ESYT2: variants seen among roughly 807,000 people sequenced by gnomAD.
ESYT2 encodes extended synaptotagmin-2.
In ESYT2, 54 loss-of-function variants were observed where a neutral mutation model predicts 107.2. That is an observed-to-expected ratio of 0.50 (90% CI 0.40 to 0.63). The LOEUF is 0.63. Among genes scored for constraint, ESYT2 ranks in the 30% least tolerant of loss-of-function variants. The pLI is 0.00. For missense variants in ESYT2, 1,020 were observed against 1,094.5 expected (o/e 0.93, Z 0.96); for synonymous variants, 491 against 434.1 (o/e 1.13, Z -1.63).
At chr7:158,801,070 C>T (rs1046853119) in intron 1 of ESYT2, among the ~76,000 whole-genome samples, 3 of 152,066 alleles carry the variant, frequency 2.0e-5, no homozygotes, top group South Asian at 4.2e-4. Flanking sequence ...GCACCCATGC[C>T]TGCAGTGAGG....
Position 158,749,051 on chromosome 7 carries a change from A to C in ESYT2, c.1557+598T>G, listed in dbSNP as rs118168246. ...CAAGACAAACTTAGGAATTGTTCCC[A>C]TGTGTCTACTCATAAAATCAAGCAA... On this transcript the variant is annotated intron_variant, in intron 15 of 22. Transcript: ENST00000275418. Among the ~76,000 whole-genome samples the C allele has an allele frequency of 8.4e-3, 1,278 of 152,244 alleles. 17 individuals are homozygous for C. The highest frequency in any genetic ancestry group is 0.029 in the South Asian group (138 of 4,826).
At chr7:158,759,840 G>T (rs1046082539) in intron 12 of ESYT2, among the ~76,000 whole-genome samples, 1 of 152,166 alleles carries the variant, frequency 6.6e-6, no homozygotes, top group East Asian at 1.9e-4. Context: ...CAAAACTGAA[G>T]ATCTGATAAA....
chr7:158,796,134 T>C (rs909673255), intron 3 of ESYT2, among the ~76,000 whole-genome samples: 3 of 152,212 alleles, frequency 2.0e-5, no homozygotes, highest in Non-Finnish European at 2.9e-5. Flanking sequence ...GGATGTCTGT[T>C]TGCTGACTCT....
intron 16 of ESYT2, among the ~76,000 whole-genome samples, chr7:158,747,128 CT>C (rs1837430759): frequency 1.3e-5 from 2 of 152,008 alleles, no homozygotes; most frequent in Non-Finnish European, 1.5e-5. Flanking sequence ...GGCGGATCAG[CT>C]GAGGTCAGGA....
intron 16 of ESYT2, among the ~76,000 whole-genome samples, chr7:158,747,203 C>T (rs145697482): frequency 3.1e-3 from 471 of 151,880 alleles, no homozygotes; most frequent in African/African-American, 0.011. Context: ...AAGAAATCAG[C>T]CAGGTGTGGT....
chr7:158,805,211 T>C (rs1584873065), intron 1 of ESYT2, among the ~76,000 whole-genome samples: 1 of 152,216 alleles, frequency 6.6e-6, no homozygotes, highest in Non-Finnish European at 1.5e-5. Flanking sequence ...TAATCAAATG[T>C]CTTTACTCAT....
chr7:158,741,506 T>C lies in ESYT2; in HGVS notation c.2168+17A>G, dbSNP rs374236194. The C allele has an allele frequency of 1.3e-6, 2 of 1,552,164 alleles. No homozygotes were observed. The highest frequency in any genetic ancestry group is 1.4e-5 in the African/African-American group (1 of 73,274). ...CTTGCTCTGCTGGTGAGAAACAACA[T>C]GGTGGCACTTAGTTACTTTTCCAGC... On this transcript the variant is annotated intron_variant, in intron 18 of 22. Transcript: ENST00000275418.
intron 1 of ESYT2, among the ~76,000 whole-genome samples, chr7:158,814,030 T>C (rs1313476936): frequency 6.6e-6 from 1 of 151,812 alleles, no homozygotes; most frequent in Non-Finnish European, 1.5e-5. Flanking sequence ...TCCCAGCACT[T>C]TGGGAGGCCG....
chr7:158,787,920 G>C, intron 6 of ESYT2, 84 bp downstream of exon 6: 2 of 1,101,784 alleles, frequency 1.8e-6, no homozygotes, highest in Non-Finnish European at 2.7e-6. Flanking sequence ...ATAAAATTTT[G>C]TTTCTCCACT....
chr7:158,823,789 A>C (rs1349292810), intron 1 of ESYT2, among the ~76,000 whole-genome samples: 2 of 152,226 alleles, frequency 1.3e-5, no homozygotes, highest in Non-Finnish European at 2.9e-5. Context: ...TACAGAAACG[A>C]TCATAGGTTC....
chr7:158,812,082 G>GGCAGCCACAGCTTCCCCCTGCCAC (rs1840008154), intron 1 of ESYT2, among the ~76,000 whole-genome samples: 1 of 152,172 alleles, frequency 6.6e-6, no homozygotes, highest in African/African-American at 2.4e-5. Context: ...GAGTATCAGA[G>GGCAGCCACAGCTTCCCCCTGCCAC]GCAGCCACAG....
intron 1 of ESYT2, among the ~76,000 whole-genome samples, chr7:158,812,573 C>T (rs1840019505): frequency 6.6e-6 from 1 of 152,120 alleles, no homozygotes; most frequent in Non-Finnish European, 1.5e-5. Flanking sequence ...TAAACATAGA[C>T]CCAACAATTC....
intron 8 of ESYT2, among the ~76,000 whole-genome samples, chr7:158,766,995 G>A (rs1004992664): frequency 1.3e-5 from 2 of 152,178 alleles, no homozygotes; most frequent in African/African-American, 4.8e-5. Flanking sequence ...TCAAATGAAG[G>A]TGACATCAGT....
At chr7:158,735,852 C>G (rs1307604648) in intron 20 of ESYT2, among the ~76,000 whole-genome samples, 1 of 152,078 alleles carries the variant, frequency 6.6e-6, no homozygotes, top group South Asian at 2.1e-4. Flanking sequence ...TCCCAAGGTC[C>G]CTGGCTCACT....
At chr7:158,738,412 T>G (rs907276206) in intron 19 of ESYT2, among the ~76,000 whole-genome samples, 1 of 151,624 alleles carries the variant, frequency 6.6e-6, no homozygotes, top group Non-Finnish European at 1.5e-5. Flanking sequence ...TTGTACAGTA[T>G]GCTACTGTGC....
intron 14 of ESYT2, among the ~76,000 whole-genome samples, chr7:158,751,542 C>T (rs575426990): frequency 7.2e-5 from 11 of 152,258 alleles, no homozygotes; most frequent in Middle Eastern, 6.8e-3. Context: ...TCTATCTGAA[C>T]CTCAGTTTGC....
chr7:158,818,843 G>C (rs1267489117), intron 1 of ESYT2, among the ~76,000 whole-genome samples: 1 of 152,258 alleles, frequency 6.6e-6, no homozygotes, highest in Non-Finnish European at 1.5e-5. Flanking sequence ...AGCCTGAGCT[G>C]TGGGCTCTGC....
At chr7:158,829,021 G>C in intron 1 of ESYT2, 68 bp downstream of exon 1, 1 of 1,529,680 alleles carries the variant, frequency 6.5e-7, no homozygotes, top group Admixed American at 2.0e-5. Flanking sequence ...GGAGGGGAGT[G>C]CCTGCCTGGA....
intron 1 of ESYT2, among the ~76,000 whole-genome samples, chr7:158,805,556 A>G (rs985619741): frequency 3.9e-5 from 6 of 152,214 alleles, no homozygotes; most frequent in Non-Finnish European, 7.3e-5. Context: ...CAGGCCATCA[A>G]TTAATTCACA....
Sources: allele counts gnomAD v4.1 joint callset (sites outside exome capture counted in the v4.1 genomes callset), GRCh38; gene constraint gnomAD v4.1.1; transcripts MANE v1.5; gene names NCBI Gene and HGNC (gene_info 2026-07-23, HGNC 2026-07-21).